The following AP4E1 variants were observed in gnomAD, a reference collection of about 807,000 sequenced individuals.
The protein encoded by AP4E1 is adaptor related protein complex 4 subunit epsilon 1, also known as AP-4 complex subunit epsilon-1.
A neutral mutation model predicts 128.2 loss-of-function variants in AP4E1; 56 were observed. The observed-to-expected ratio is 0.44, with a 90% CI of 0.35 to 0.55. The LOEUF is 0.55. Among genes scored for constraint, AP4E1 ranks in the 20% least tolerant of loss-of-function variants. AP4E1 has a pLI of 0.00. For missense variants in AP4E1, 1,324 were observed against 1,307.7 expected (o/e 1.01, Z -0.19); for synonymous variants, 484 against 473.1 (o/e 1.02, Z -0.30).
intron 16 of AP4E1, among the ~76,000 whole-genome samples, chr15:50,989,666 C>T (rs1015663535): frequency 6.6e-6 from 1 of 151,862 alleles, no homozygotes; most frequent in African/African-American, 2.4e-5. Context: ...CCCTTCAAAC[C>T]CAGGGAGGAA....
At chr15:50,972,433 A>G (rs534113464) in intron 15 of AP4E1, among the ~76,000 whole-genome samples, 1 of 152,200 alleles carries the variant, frequency 6.6e-6, no homozygotes, top group East Asian at 1.9e-4. Flanking sequence ...GCTGGTCTCA[A>G]ACTCCTGACC....
In AP4E1 at chr15:50,980,174, A is replaced by G. The variant is rs888552152; in HGVS notation, c.1967-3848A>G. Among the ~76,000 whole-genome samples the G allele has an allele frequency of 4.6e-5, 7 of 152,222 alleles. No individual in the cohort carries two copies. In the East Asian group the frequency reaches 1.3e-3, roughly 29 times the overall value. ...TCTCTAAGTTACTTAAGTGTACTTA[A>G]TCTCTAAGTTCATTAAATGTATGAG... On this transcript the variant is annotated intron_variant, in intron 15 of 20. Transcript: ENST00000261842.
intron 16 of AP4E1, among the ~76,000 whole-genome samples, chr15:50,992,451 A>T (rs914620566): frequency 1.9e-4 from 29 of 152,160 alleles, no homozygotes; most frequent in Admixed American, 6.5e-5. Context: ...CAAACTAATT[A>T]ATGGACACAT....
chr15:51,005,509 C>A lies in AP4E1; in HGVS notation c.*2847C>A. On this transcript the variant is annotated 3_prime_UTR_variant, in exon 21 of 21. Coordinates refer to ENST00000261842, the MANE Select transcript of AP4E1 (RefSeq NM_007347.5). ...CTGCAGATGGAAGCTGAGCAGTTAC[C>A]AACTGCTAATGTGCCAAGTATACCA... The A allele has an allele frequency of 6.6e-6, 1 of 152,584 alleles. No individual in the cohort carries two copies. Among genetic ancestry groups the A allele is most frequent in the Admixed American group, 6.5e-5 (1 of 15,272 alleles). The allele number at this position is 152,584 out of a possible 1,614,324, so 9.5% of individuals were successfully genotyped here. A position where few individuals can be genotyped will look rare whatever the true frequency, so the allele number is the denominator to read the frequency against.
chr15:50,921,489 C>T (rs2063702643), intron 3 of AP4E1, among the ~76,000 whole-genome samples: 1 of 151,986 alleles, frequency 6.6e-6, no homozygotes, highest in South Asian at 2.1e-4. Flanking sequence ...GCTGGGATTA[C>T]AGGAGAGTGT....
intron 13 of AP4E1, among the ~76,000 whole-genome samples, chr15:50,957,678 T>C (rs1387190149): frequency 2.1e-5 from 3 of 141,500 alleles, no homozygotes; most frequent in Non-Finnish European, 4.6e-5. Flanking sequence ...TTTCTTTTTT[T>C]TTTTTTTTTT....
intron 15 of AP4E1, among the ~76,000 whole-genome samples, chr15:50,977,427 A>T (rs2064567071): frequency 6.6e-6 from 1 of 152,152 alleles, no homozygotes; most frequent in African/African-American, 2.4e-5. Flanking sequence ...TATAAATGGG[A>T]TTAAACGCTC....
chr15:50,981,018 C>A (rs984364862), intron 15 of AP4E1, among the ~76,000 whole-genome samples: 1 of 152,116 alleles, frequency 6.6e-6, no homozygotes, highest in Non-Finnish European at 1.5e-5. Flanking sequence ...CAATGCTGAG[C>A]AGAAATACAG....
chr15:50,990,688 T>G (rs891793298), intron 16 of AP4E1, among the ~76,000 whole-genome samples: 3 of 152,160 alleles, frequency 2.0e-5, no homozygotes, highest in African/African-American at 7.2e-5. Flanking sequence ...GGCCATATTT[T>G]CCCACTTTTT....
intron 5 of AP4E1, among the ~76,000 whole-genome samples, chr15:50,925,632 C>CT (rs33980264): frequency 0.17 from 24,090 of 137,990 alleles, 2,183 homozygotes; most frequent in Non-Finnish European, 0.21. Flanking sequence ...TGGGAAGATG[C>CT]TTTTTTTTTT....
At chr15:50,919,657 C>CAA (rs2063672100) in intron 3 of AP4E1, among the ~76,000 whole-genome samples, 1 of 152,002 alleles carries the variant, frequency 6.6e-6, no homozygotes, top group Admixed American at 6.5e-5. Flanking sequence ...AAGGGGATCT[C>CAA]AGAGTTATTT....
chr15:50,974,060 G>A (rs1427423792), intron 15 of AP4E1, among the ~76,000 whole-genome samples: 5 of 152,076 alleles, frequency 3.3e-5, no homozygotes, highest in Admixed American at 6.6e-5. Context: ...CTGCCTCCTG[G>A]GTTCAAGTGA....
At chr15:50,982,328 T>G (rs745651415) in intron 15 of AP4E1, among the ~76,000 whole-genome samples, 1 of 152,136 alleles carries the variant, frequency 6.6e-6, no homozygotes, top group African/African-American at 2.4e-5. Context: ...TTAAGTTAGA[T>G]GATTAAAAAA....
At chr15:50,996,272 A>C (rs952775322) in intron 17 of AP4E1, among the ~76,000 whole-genome samples, 4 of 150,774 alleles carry the variant, frequency 2.7e-5, no homozygotes, top group African/African-American at 9.8e-5. Context: ...TGCTGGGATT[A>C]CAGATATGAG....
In AP4E1 at chr15:50,997,322, G is replaced by A; in HGVS notation, c.2347-4G>A. ...TTTTATATTATTATGTTTTATTTTT[G>A]CAGCTGGGAAAAGCAGATACTGTCT... On this transcript the variant is annotated splice_polypyrimidine_tract_variant and splice_region_variant and intron_variant, in intron 17 of 20. Coordinates refer to ENST00000261842, the MANE Select transcript of AP4E1 (RefSeq NM_007347.5). 1.9e-6 allele frequency: 3 copies of A among 1,583,562 alleles called. No homozygotes were observed. Among genetic ancestry groups the A allele is most frequent in the Non-Finnish European group, 2.6e-6 (3 of 1,171,336 alleles).
At chr15:50,944,476 T>A (rs2064030213) in intron 10 of AP4E1, among the ~76,000 whole-genome samples, 1 of 152,150 alleles carries the variant, frequency 6.6e-6, no homozygotes, top group African/African-American at 2.4e-5. Flanking sequence ...ATAACATAAT[T>A]TGGAGTTCAC....
chr15:50,949,779 T>A (rs1195770969), intron 11 of AP4E1, 47 bp from the exon 12 acceptor site: 1 of 1,403,438 alleles, frequency 7.1e-7, no homozygotes, highest in Non-Finnish European at 1.0e-6. Flanking sequence ...AGGGTAATTT[T>A]AATAAGTAGC....
intron 6 of AP4E1, among the ~76,000 whole-genome samples, chr15:50,930,346 CG>C (rs2063819207): frequency 9.7e-6 from 1 of 102,608 alleles, no homozygotes; most frequent in African/African-American, 3.8e-5. Flanking sequence ...GGATTACTGG[CG>C]TGAGCCACTG....
At chr15:50,977,514 A>G (rs2064568260) in intron 15 of AP4E1, among the ~76,000 whole-genome samples, 1 of 152,054 alleles carries the variant, frequency 6.6e-6, no homozygotes, top group Non-Finnish European at 1.5e-5. Flanking sequence ...ATTTCAGGAG[A>G]CTGTTATAGA....
Sources: allele counts gnomAD v4.1 joint callset (sites outside exome capture counted in the v4.1 genomes callset), GRCh38; gene constraint gnomAD v4.1.1; transcripts MANE v1.5; gene names NCBI Gene and HGNC (gene_info 2026-07-23, HGNC 2026-07-21).